The following NRCAM variants were observed in gnomAD, a reference collection of about 807,000 sequenced individuals.
NRCAM encodes neuronal cell adhesion molecule.
A neutral mutation model predicts 156.5 loss-of-function variants in NRCAM; 83 were observed. The ratio of observed to expected loss-of-function variants is 0.53; its 90% CI spans 0.44 to 0.64. NRCAM has a LOEUF of 0.64. Ranked by LOEUF, NRCAM falls within the 30% of genes least tolerant of loss-of-function variation. NRCAM has a pLI of 0.00. For synonymous variants in NRCAM, 538 were observed against 563.9 expected, an observed-to-expected ratio of 0.95 and a Z score of 0.65; for missense variants, 1,417 against 1,597.3, an observed-to-expected ratio of 0.89 and a Z score of 1.92.
In NRCAM at chr7:108,436,911, C is replaced by T. The variant is rs1832895589; in HGVS notation, c.-332+19332G>A. ...ACTAAAAGATCCACCAATCCCACTG[C>T]TGGGTATATACCCAAAAGAAAGGAA... On this transcript the variant is annotated intron_variant, in intron 1 of 32. Transcript: ENST00000379028. Among the ~76,000 whole-genome samples the T allele has an allele frequency of 3.3e-5, 5 of 152,292 alleles. No homozygotes were observed. The South Asian group carries it at 1.0e-3, about 32-fold the overall frequency.
intron 1 of NRCAM, among the ~76,000 whole-genome samples, chr7:108,427,133 C>G (rs911967310): frequency 1.3e-5 from 2 of 152,168 alleles, no homozygotes; most frequent in African/African-American, 4.8e-5. Flanking sequence ...AATCCTAGGG[C>G]ACCTGAAGGC....
intron 3 of NRCAM, among the ~76,000 whole-genome samples, chr7:108,300,859 A>T (rs945670796): frequency 1.3e-5 from 2 of 152,140 alleles, no homozygotes; most frequent in Non-Finnish European, 2.9e-5. Flanking sequence ...AATAACAGAA[A>T]GCTTTTTAAA....
Position 108,231,022 on chromosome 7 carries a change from A to T in NRCAM, c.550+9T>A. On this transcript the variant is annotated intron_variant, in intron 8 of 32. Coordinates refer to ENST00000379028, the MANE Select transcript of NRCAM (RefSeq NM_001037132.4). The stretch of plus-strand genomic sequence containing the variant: ...TTAAAGAAAGAAAGTTCATATTATC[A>T]AAACTTACAATTATCCATCCAAAAT... 5 of 1,594,656 alleles carry T rather than the reference A, an allele frequency of 3.1e-6. No homozygotes were observed. The highest frequency in any genetic ancestry group is 4.3e-6 in the Non-Finnish European group (5 of 1,164,722).
chr7:108,307,234 C>T (rs2098729735), intron 3 of NRCAM, among the ~76,000 whole-genome samples: 1 of 152,194 alleles, frequency 6.6e-6, no homozygotes, highest in Non-Finnish European at 1.5e-5. Context: ...TCCAACACAC[C>T]TCAGGTGCAG....
At chr7:108,408,166 T>C (rs1177968830) in intron 1 of NRCAM, among the ~76,000 whole-genome samples, 1 of 152,226 alleles carries the variant, frequency 6.6e-6, no homozygotes, top group Non-Finnish European at 1.5e-5. Context: ...TAATGATTCA[T>C]AATAATTCAT....
chr7:108,280,542 C>A (rs1360319900), intron 3 of NRCAM, among the ~76,000 whole-genome samples: 1 of 152,184 alleles, frequency 6.6e-6, no homozygotes, highest in Non-Finnish European at 1.5e-5. Context: ...AAAGATGAAA[C>A]CCTAAATATA....
intron 28 of NRCAM, among the ~76,000 whole-genome samples, chr7:108,174,305 T>C (rs192521139): frequency 5.0e-4 from 76 of 152,316 alleles, no homozygotes; most frequent in African/African-American, 1.6e-3. Context: ...TTACCAAAGC[T>C]CTGAATATAA....
intron 1 of NRCAM, among the ~76,000 whole-genome samples, chr7:108,455,479 C>G (rs1346606048): frequency 6.6e-6 from 1 of 152,156 alleles, no homozygotes; most frequent in African/African-American, 2.4e-5. Context: ...GGTGCGCCGG[C>G]CCCGACAAGT....
intron 3 of NRCAM, among the ~76,000 whole-genome samples, chr7:108,273,687 T>C (rs780640967): frequency 5.9e-5 from 9 of 152,214 alleles, no homozygotes; most frequent in African/African-American, 2.2e-4. Context: ...TCCCGTTCTG[T>C]AGGTTGCCTG....
At chr7:108,171,466 C>G (rs2058394835) in intron 28 of NRCAM, among the ~76,000 whole-genome samples, 1 of 152,118 alleles carries the variant, frequency 6.6e-6, no homozygotes, top group African/African-American at 2.4e-5. Flanking sequence ...TGGTATAACC[C>G]AGACATCCGG....
intron 3 of NRCAM, among the ~76,000 whole-genome samples, chr7:108,273,518 A>C (rs889495368): frequency 6.6e-6 from 1 of 151,774 alleles, no homozygotes; most frequent in African/African-American, 2.4e-5. Context: ...GCTTTTTTTC[A>C]TATGTCTGTT....
At chr7:108,154,912 A>C (rs762256334) in intron 32 of NRCAM, among the ~76,000 whole-genome samples, 2 of 151,984 alleles carry the variant, frequency 1.3e-5, no homozygotes, top group Non-Finnish European at 2.9e-5. Context: ...TTATGACTCT[A>C]TGAGAAGCAC....
intron 1 of NRCAM, among the ~76,000 whole-genome samples, chr7:108,417,361 T>C (rs10232143): frequency 0.12 from 17,646 of 152,066 alleles, 2,716 homozygotes; most frequent in African/African-American, 0.36. Context: ...CGTCATCCCA[T>C]GGCAAAAGGC....
At chr7:108,217,095 G>A (rs1315314964) in intron 11 of NRCAM, among the ~76,000 whole-genome samples, 1 of 152,102 alleles carries the variant, frequency 6.6e-6, no homozygotes, top group Non-Finnish European at 1.5e-5. Context: ...CTTCATATGG[G>A]TTTTTTGTGT....
At chr7:108,444,376 T>C (rs372027587) in intron 1 of NRCAM, among the ~76,000 whole-genome samples, 83 of 152,154 alleles carry the variant, frequency 5.5e-4, no homozygotes, top group African/African-American at 2.0e-3. Context: ...ATTCTCTTTT[T>C]TTTTGGTAAG....
chr7:108,393,786 G>T (rs1286464045), intron 2 of NRCAM, among the ~76,000 whole-genome samples: 1 of 152,168 alleles, frequency 6.6e-6, no homozygotes, highest in Non-Finnish European at 1.5e-5. Context: ...TCTTGATTGT[G>T]ATTCCAGAGC....
At chr7:108,328,211 T>C (rs528681499) in intron 2 of NRCAM, among the ~76,000 whole-genome samples, 27 of 152,300 alleles carry the variant, frequency 1.8e-4, no homozygotes, top group African/African-American at 6.5e-4. Context: ...CAAACTCCAC[T>C]AACCAATAGC....
Position 108,399,514 on chromosome 7 carries a change from C to G in NRCAM, c.-252G>C, listed in dbSNP as rs1244071472. 1 of 152,130 alleles carries G rather than the reference C, an allele frequency of 6.6e-6. No homozygotes were observed. The highest frequency in any genetic ancestry group is 1.9e-4 in the East Asian group (1 of 5,194). 9.4% of individuals were successfully genotyped at this position (152,130 alleles called of 1,614,324 possible). On this transcript the variant is annotated 5_prime_UTR_variant, in exon 2 of 33. Coordinates refer to ENST00000379028, the MANE Select transcript of NRCAM (RefSeq NM_001037132.4). ...AGCTATCCTTTTCTCAGGAGAATGC[C>G]AACAGCTAAGACCAGCTTTTGTCGA...
At chr7:108,204,766 G>A (rs565667058) in intron 13 of NRCAM, among the ~76,000 whole-genome samples, 1 of 152,222 alleles carries the variant, frequency 6.6e-6, no homozygotes, top group African/African-American at 2.4e-5. Context: ...CTGTCTCAGG[G>A]GGCCTTAAAG....
Sources: allele counts gnomAD v4.1 joint callset (sites outside exome capture counted in the v4.1 genomes callset), GRCh38; gene constraint gnomAD v4.1.1; transcripts MANE v1.5; gene names NCBI Gene and HGNC (gene_info 2026-07-23, HGNC 2026-07-21).